The following MAMDC2 variants were observed in gnomAD, a reference collection of about 807,000 sequenced individuals.
MAMDC2 encodes MAM domain containing 2.
Under a neutral mutation model 89.8 loss-of-function variants are expected in MAMDC2, and 57 were observed. That is an observed-to-expected ratio of 0.63 (90% confidence interval 0.51 to 0.79). The LOEUF (loss-of-function observed/expected upper bound fraction) is 0.79, where lower values mean the gene tolerates loss of function less well. Among genes scored for constraint, MAMDC2 ranks in the 30% least tolerant of loss-of-function variants. The pLI is 0.00. For synonymous variants in MAMDC2, 313 were observed against 293.4 expected (o/e 1.07, Z -0.68); for missense variants, 800 against 820.6 (o/e 0.97, Z 0.31).
intron 4 of MAMDC2, among the ~76,000 whole-genome samples, 178 bp downstream of exon 4, chr9:70,109,982 G>A (rs1828463917): frequency 6.6e-6 from 1 of 152,148 alleles, no homozygotes. Flanking sequence ...TTTGTCTTTA[G>A]TGTGGGAAGG....
chr9:70,200,313 T>C (rs1477069854), intron 11 of MAMDC2, among the ~76,000 whole-genome samples: 2 of 148,042 alleles, frequency 1.4e-5, no homozygotes, highest in African/African-American at 5.0e-5. Context: ...TAGGGAATCC[T>C]TTCCCCATTG....
At position 70,170,521 on chromosome 9, in the gene MAMDC2, A is replaced by T. The variant is rs1314623639; in HGVS notation, c.1541A>T (p.Asp514Val). 1.9e-6 allele frequency: 3 copies of T among 1,612,838 alleles called. No homozygotes were observed. In the South Asian group the frequency reaches 3.3e-5, roughly 18 times the overall value. ...CCTGGAGAGTGTACTTTCGAGCAAGATGAATGTACATTTACTCAGGAGAAA... is the reference window on the plus strand; with the variant it reads ...CCTGGAGAGTGTACTTTCGAGCAAGTTGAATGTACATTTACTCAGGAGAAA... ...PPPGECTFEQ[D>V]ECTFTQEKRN... Residue 514 changes from aspartate to valine, a missense_variant, in exon 11 of 14, where the codon GAT becomes GTT. By Grantham distance (152) the Asp-to-Val change is radical (BLOSUM62 -3). Transcript: ENST00000377182.
chr9:70,194,925 C>G (rs539045433), intron 11 of MAMDC2, among the ~76,000 whole-genome samples: 4 of 151,992 alleles, frequency 2.6e-5, no homozygotes, highest in African/African-American at 9.7e-5. Context: ...ACATTTACCA[C>G]CAGGTAATTC....
At chr9:70,047,485 G>A (rs7031634) in intron 2 of MAMDC2, among the ~76,000 whole-genome samples, 1 of 152,126 alleles carries the variant, frequency 6.6e-6, no homozygotes, top group East Asian at 1.9e-4. Flanking sequence ...AGTTTGCTGA[G>A]AATGATGGCT....
intron 11 of MAMDC2, among the ~76,000 whole-genome samples, chr9:70,197,792 C>T (rs1034982394): frequency 6.6e-6 from 1 of 152,164 alleles, no homozygotes; most frequent in Non-Finnish European, 1.5e-5. Flanking sequence ...CTTCTCCTGA[C>T]ATCCAGCCAT....
At chr9:70,175,642 G>T (rs1294780794) in intron 11 of MAMDC2, 2 of 152,156 alleles carry the variant, frequency 1.3e-5, no homozygotes, top group East Asian at 3.9e-4. Flanking sequence ...ATCCACCAGG[G>T]ATCTTAGAAC....
At chr9:70,192,397 T>C (rs1439682946) in intron 11 of MAMDC2, among the ~76,000 whole-genome samples, 3 of 152,082 alleles carry the variant, frequency 2.0e-5, no homozygotes, top group Admixed American at 6.6e-5. Context: ...AGCCAACCAG[T>C]CATAGTGCTC....
chr9:70,083,500 C>T (rs1453485996), intron 2 of MAMDC2: 1 of 152,028 alleles, frequency 6.6e-6, no homozygotes, highest in Admixed American at 6.6e-5. Context: ...AAAGCAAGTC[C>T]TGTCCAATCC....
intron 7 of MAMDC2, among the ~76,000 whole-genome samples, chr9:70,133,027 C>T (rs2030867474): frequency 6.6e-6 from 1 of 152,086 alleles, no homozygotes; most frequent in Non-Finnish European, 1.5e-5. Context: ...TTTGACAGAA[C>T]ACAGAAACCA....
chr9:70,207,109 T>C (rs1276560429), intron 11 of MAMDC2, among the ~76,000 whole-genome samples: 4 of 152,396 alleles, frequency 2.6e-5, no homozygotes, highest in South Asian at 4.1e-4. Flanking sequence ...GGTGTCTTTA[T>C]AGCAGCATGC....
intron 11 of MAMDC2, among the ~76,000 whole-genome samples, chr9:70,209,613 G>A (rs535903699): frequency 6.6e-6 from 1 of 151,848 alleles, no homozygotes; most frequent in East Asian, 1.9e-4. Context: ...TTTTTGAAGG[G>A]TCTTTCGTAT....
chr9:70,120,443 G>C (rs970098928), intron 5 of MAMDC2, among the ~76,000 whole-genome samples: 1 of 152,146 alleles, frequency 6.6e-6, no homozygotes, highest in Non-Finnish European at 1.5e-5. Flanking sequence ...TTTAGATCAA[G>C]GTAAGAAAAG....
At chr9:70,155,083 T>A (rs1310143057) in intron 9 of MAMDC2, among the ~76,000 whole-genome samples, 1 of 152,112 alleles carries the variant, frequency 6.6e-6, no homozygotes, top group Non-Finnish European at 1.5e-5. Context: ...TTGGTCCTCC[T>A]AATGCCTGGA....
chr9:70,169,413 T>C (rs1313009995), intron 10 of MAMDC2, among the ~76,000 whole-genome samples: 2 of 152,196 alleles, frequency 1.3e-5, no homozygotes, highest in African/African-American at 4.8e-5. Flanking sequence ...AGGACATCCA[T>C]TTCTTTGACA....
At chr9:70,177,238 T>C (rs1272268803) in intron 11 of MAMDC2, among the ~76,000 whole-genome samples, 1 of 152,098 alleles carries the variant, frequency 6.6e-6, no homozygotes, top group East Asian at 1.9e-4. Context: ...TTAAATAAAA[T>C]AAAGGTTACT....
At chr9:70,061,407 C>T (rs1002719899) in intron 2 of MAMDC2, among the ~76,000 whole-genome samples, 1 of 152,126 alleles carries the variant, frequency 6.6e-6, no homozygotes, top group Non-Finnish European at 1.5e-5. Flanking sequence ...ATTTTCAGAT[C>T]CCTCTTAAAG....
At chr9:70,056,189 C>T (rs1214379926) in intron 2 of MAMDC2, among the ~76,000 whole-genome samples, 1 of 152,202 alleles carries the variant, frequency 6.6e-6, no homozygotes, top group Non-Finnish European at 1.5e-5. Context: ...AACAATCTAT[C>T]CAAAACTACA....
chr9:70,139,350 C>G (rs1260731774), intron 7 of MAMDC2, among the ~76,000 whole-genome samples: 15 of 143,954 alleles, frequency 1.0e-4, no homozygotes, highest in African/African-American at 3.9e-4. Context: ...CAATTCCCAC[C>G]TATGAGTGAG....
chr9:70,195,406 G>A (rs918590249), intron 11 of MAMDC2, among the ~76,000 whole-genome samples: 1 of 152,048 alleles, frequency 6.6e-6, no homozygotes, highest in Non-Finnish European at 1.5e-5. Flanking sequence ...CTCTATCCTG[G>A]CAGAAACAGA....
Sources: gnomAD v4.1 joint callset for allele counts (sites outside exome capture counted in the v4.1 genomes callset) on GRCh38, gnomAD v4.1.1 for gene constraint, MANE v1.5 for transcripts, NCBI Gene and HGNC (gene_info 2026-07-23, HGNC 2026-07-21) for gene names.